The following KCNH7 variants were observed in gnomAD, a reference collection of about 807,000 sequenced individuals.
The protein encoded by KCNH7 is potassium voltage-gated channel subfamily H member 7.
KCNH7 carries 49 observed loss-of-function variants against 120.8 expected under a neutral mutation model. That is an observed-to-expected ratio of 0.41 (90% CI 0.32 to 0.51). The LOEUF is 0.51. KCNH7 is among the 20% of genes least tolerant of loss of function. KCNH7 has a pLI of 0.38. For synonymous variants in KCNH7, 547 were observed against 516.1 expected (o/e 1.06, Z -0.81); for missense variants, 1,097 against 1,446.6 (o/e 0.76, Z 3.92).
chr2:162,576,175 T>C (rs1473707875), intron 2 of KCNH7, among the ~76,000 whole-genome samples: 1 of 152,136 alleles, frequency 6.6e-6, no homozygotes, highest in Non-Finnish European at 1.5e-5. Flanking sequence ...ATTCAAATCC[T>C]CTCATAAATT....
At chr2:162,477,350 C>T (rs1020756822) in intron 6 of KCNH7, among the ~76,000 whole-genome samples, 4 of 152,190 alleles carry the variant, frequency 2.6e-5, no homozygotes, top group Non-Finnish European at 5.9e-5. Flanking sequence ...AAGCCAAGAC[C>T]CAGGGCTTCT....
chr2:162,698,655 T>A (rs928938098), intron 2 of KCNH7, among the ~76,000 whole-genome samples: 3 of 152,142 alleles, frequency 2.0e-5, no homozygotes, highest in African/African-American at 7.2e-5. Context: ...TTCTAGGTTC[T>A]ACATTTACTT....
chr2:162,373,508 A>G lies in KCNH7; in HGVS notation c.3286T>C (p.Ser1096Pro), dbSNP rs539804616. ...QLMRTSQPEA[S>P]IKTDRSFSPS... Reference sequence around the variant, plus strand: ...CTGAAACTTCGGTCAGTTTTGATGGATGCTTCCGGTTGACTGGTTCTCATC... The same window carrying G: ...CTGAAACTTCGGTCAGTTTTGATGGGTGCTTCCGGTTGACTGGTTCTCATC... Residue 1096 changes from serine to proline, a missense_variant, in exon 15 of 16, where the codon TCC becomes CCC. Ser to Pro is a moderately conservative substitution (Grantham distance 74). Coordinates refer to ENST00000332142, the MANE Select transcript of KCNH7 (RefSeq NM_033272.4). 3.2e-5 allele frequency: 51 copies of G among 1,572,188 alleles called. No homozygotes were observed. In the Admixed American group the frequency reaches 3.5e-4, roughly 11 times the overall value.
At chr2:162,523,857 A>C (rs915525455) in intron 3 of KCNH7, among the ~76,000 whole-genome samples, 1 of 151,908 alleles carries the variant, frequency 6.6e-6, no homozygotes, top group African/African-American at 2.4e-5. Context: ...TACTGCAAAA[A>C]CCCAATTAAA....
intron 2 of KCNH7, among the ~76,000 whole-genome samples, chr2:162,625,330 G>T (rs532921970): frequency 6.6e-6 from 1 of 152,258 alleles, no homozygotes; most frequent in East Asian, 1.9e-4. Context: ...GAAAAGGAAA[G>T]CCCTGGCCTC....
rs1391777397 is a variant in KCNH7 at position 162,729,882 on chromosome 2, AT to A, written c.307+106654del. 2.0e-5 allele frequency among the ~76,000 whole-genome samples: 3 copies of A among 151,856 alleles called. No homozygotes were observed. The South Asian group carries it at 6.2e-4, about 32-fold the overall frequency. ...GTGTGTGTTGAATTATTTTGTGAAA[AT>A]TTTTTTTCTTCATCTCCTGAGATGA... On this transcript the variant is annotated intron_variant, in intron 2 of 15. Coordinates refer to ENST00000332142, the MANE Select transcript of KCNH7 (RefSeq NM_033272.4).
chr2:162,675,212 T>C (rs1404091554), intron 2 of KCNH7, among the ~76,000 whole-genome samples: 1 of 151,438 alleles, frequency 6.6e-6, no homozygotes, highest in African/African-American at 2.4e-5. Flanking sequence ...ACTAAAATAC[T>C]AAGAGATGAT....
intron 6 of KCNH7, among the ~76,000 whole-genome samples, chr2:162,464,279 T>A (rs1051812481): frequency 1.9e-4 from 29 of 152,034 alleles, no homozygotes; most frequent in Non-Finnish European, 4.0e-4. Context: ...TGATTCTAAA[T>A]GGTCCTGAAT....
chr2:162,423,797 C>A (rs1687776401), intron 8 of KCNH7, among the ~76,000 whole-genome samples: 1 of 152,056 alleles, frequency 6.6e-6, no homozygotes, highest in African/African-American at 2.4e-5. Flanking sequence ...CAGCTTGTGG[C>A]TGGGAGCACT....
intron 2 of KCNH7, among the ~76,000 whole-genome samples, chr2:162,555,152 T>A (rs1418830083): frequency 6.6e-6 from 1 of 152,178 alleles, no homozygotes; most frequent in African/African-American, 2.4e-5. Flanking sequence ...ACACTTCAGA[T>A]TTGTCTTTTC....
At chr2:162,563,176 C>T (rs1693132900) in intron 2 of KCNH7, among the ~76,000 whole-genome samples, 1 of 152,166 alleles carries the variant, frequency 6.6e-6, no homozygotes, top group African/African-American at 2.4e-5. Flanking sequence ...TTGAGCTCTG[C>T]CATCTACTAA....
At chr2:162,398,349 A>G (rs1332746907) in intron 10 of KCNH7, among the ~76,000 whole-genome samples, 1 of 151,920 alleles carries the variant, frequency 6.6e-6, no homozygotes, top group Non-Finnish European at 1.5e-5. Context: ...ATAGTGAGAA[A>G]TCAAACACTG....
chr2:162,822,690 T>C (rs187068475), intron 2 of KCNH7, among the ~76,000 whole-genome samples: 1 of 152,344 alleles, frequency 6.6e-6, no homozygotes, highest in East Asian at 1.9e-4. Context: ...ATTGAGCAGC[T>C]ACTCTGTGCA....
chr2:162,507,780 T>TTAATCA (rs1039221483), intron 5 of KCNH7, among the ~76,000 whole-genome samples: 5 of 151,598 alleles, frequency 3.3e-5, no homozygotes, highest in African/African-American at 1.2e-4. Context: ...TATTGGTATA[T>TTAATCA]TAATCATAAT....
At chr2:162,833,358 T>C (rs931863580) in intron 2 of KCNH7, among the ~76,000 whole-genome samples, 11 of 152,180 alleles carry the variant, frequency 7.2e-5, no homozygotes, top group African/African-American at 2.7e-4. Context: ...AAGTCCTTGC[T>C]ATTTTTTAAT....
intron 4 of KCNH7, among the ~76,000 whole-genome samples, chr2:162,515,772 G>A (rs977713237): frequency 1.8e-4 from 28 of 151,842 alleles, no homozygotes; most frequent in African/African-American, 6.0e-4. Context: ...TTGGGAATTG[G>A]CCTTGTATTT....
At chr2:162,553,825 T>C (rs563256121) in intron 2 of KCNH7, among the ~76,000 whole-genome samples, 36 of 152,242 alleles carry the variant, frequency 2.4e-4, no homozygotes, top group African/African-American at 8.4e-4. Flanking sequence ...ACAGACAAGG[T>C]CCCCACATGA....
intron 2 of KCNH7, among the ~76,000 whole-genome samples, chr2:162,804,560 A>G (rs1215373036): frequency 2.6e-5 from 4 of 152,008 alleles, no homozygotes; most frequent in Non-Finnish European, 5.9e-5. Flanking sequence ...AGATCTGTAC[A>G]AGTAGAACTA....
intron 6 of KCNH7, among the ~76,000 whole-genome samples, chr2:162,494,244 T>C (rs1257970157): frequency 6.6e-6 from 1 of 152,170 alleles, no homozygotes; most frequent in Non-Finnish European, 1.5e-5. Context: ...TGGTCTTTCT[T>C]AAAATTTTTG....
Sources: allele counts gnomAD v4.1 joint callset (sites outside exome capture counted in the v4.1 genomes callset), GRCh38; gene constraint gnomAD v4.1.1; transcripts MANE v1.5; gene names NCBI Gene and HGNC (gene_info 2026-07-23, HGNC 2026-07-21).